The following NRN1 variants were observed in gnomAD, a reference collection of about 807,000 sequenced individuals.
The protein encoded by NRN1 is neuritin 1.
In NRN1, 4 loss-of-function variants were observed where a neutral mutation model predicts 15.0. The ratio of observed to expected loss-of-function variants is 0.27; its 90% CI spans 0.13 to 0.61. The LOEUF (loss-of-function observed/expected upper bound fraction) is 0.61, where lower values mean the gene tolerates loss of function less well. NRN1 is among the 20% of genes least tolerant of loss of function. The probability of loss-of-function intolerance (pLI) is 0.87; values close to 1 mark genes in which losing one functional copy is unlikely to be tolerated. For missense variants in NRN1, 134 were observed against 181.9 expected (o/e 0.74, Z 1.51); for synonymous variants, 85 against 79.8 (o/e 1.07, Z -0.35).
At position 6,002,333 on chromosome 6, in the gene NRN1, C is replaced by A. The variant is rs769331337; in HGVS notation, c.200+20G>T. 2 of 1,611,468 alleles carry A rather than the reference C, an allele frequency of 1.2e-6. No individual in the cohort carries two copies. Among genetic ancestry groups the A allele is most frequent in the African/African-American group, 1.3e-5 (1 of 74,900 alleles). ...AGCGCCCCCAAAACCGAAGTCCAGC[C>A]GGCCAGAGAGGACACTTACGTGCAC... On this transcript the variant is annotated intron_variant, in intron 2 of 2. Transcript: ENST00000244766.
chr6:6,003,897 G>C, intron 1 of NRN1: 4 of 1,230,312 alleles, frequency 3.3e-6, no homozygotes, highest in Non-Finnish European at 4.1e-6. Context: ...CTGGGCGCCG[G>C]CCTGGTCCTC....
chr6:6,002,548 G>T (rs1561903775), intron 1 of NRN1, 51 bp from the exon 2 acceptor site: 2 of 1,587,240 alleles, frequency 1.3e-6, no homozygotes. Flanking sequence ...CCGCCCTGCC[G>T]CCCACTGCCC....
Position 6,006,795 on chromosome 6 carries a change from T to TA in NRN1, c.-47dup, listed in dbSNP as rs1242970988. On this transcript the variant is annotated 5_prime_UTR_variant, in exon 1 of 3. It removes the in-frame stop codon of an upstream open reading frame in the 5' UTR. Transcript: ENST00000244766. Reference sequence around the variant, plus strand: ...TTGCGACCGCAGACCTTTAAATAGTTAGTTTAGAGAACGCGGGGGAAAGCC... The same window carrying TA: ...TTGCGACCGCAGACCTTTAAATAGTTAAGTTTAGAGAACGCGGGGGAAAGCC... 4.4e-6 allele frequency: 7 copies of TA among 1,597,526 alleles called. No homozygotes were observed. The highest frequency in any genetic ancestry group is 6.0e-6 in the Non-Finnish European group (7 of 1,165,058).
intron 1 of NRN1, chr6:6,002,768 G>A (rs1757990743): frequency 1.3e-5 from 6 of 478,798 alleles, no homozygotes; most frequent in Non-Finnish European, 2.2e-5. Flanking sequence ...CTTTCCTCCA[G>A]CTCCCTCCCG....
In NRN1 at chr6:5,998,621, A is replaced by G. The variant is rs540378313; in HGVS notation, c.*355T>C. On this transcript the variant is annotated 3_prime_UTR_variant, in exon 3 of 3. Transcript: ENST00000244766. ...TTCATGTTACTAGCATGATTAATATAGTAGGTGGCCCAGGGCCGTTCCTGA... is the reference window on the plus strand; with the variant it reads ...TTCATGTTACTAGCATGATTAATATGGTAGGTGGCCCAGGGCCGTTCCTGA... The G allele has an allele frequency of 5.0e-4, 88 of 175,414 alleles. No homozygotes were observed. Among genetic ancestry groups the G allele is most frequent in the African/African-American group, 2.0e-3 (85 of 42,042 alleles). The allele number at this position is 175,414 out of a possible 1,614,324, so 10.9% of individuals were successfully genotyped here. A position where few individuals can be genotyped will look rare whatever the true frequency, so the allele number is the denominator to read the frequency against.
At chr6:6,003,720 G>C (rs1758030487) in intron 1 of NRN1, 1 of 1,234,196 alleles carries the variant, frequency 8.1e-7, no homozygotes. Context: ...CGGGCGCGCG[G>C]CTGTGGCCAT....
intron 1 of NRN1, among the ~76,000 whole-genome samples, chr6:6,004,916 C>T (rs1050643850): frequency 1.3e-5 from 2 of 152,010 alleles, no homozygotes; most frequent in African/African-American, 2.4e-5. Context: ...CTTCTACCTC[C>T]CCGCCCCTCC....
Position 5,998,775 on chromosome 6 carries a change from CTGAT to C in NRN1, c.*197_*200del. Reference sequence around the variant, plus strand: ...GATTTTGGCTGTGCTTGCTTGCTCACTGATTGGTAACATTTGGCAAATAAAACAC... The same window carrying C: ...GATTTTGGCTGTGCTTGCTTGCTCACTGGTAACATTTGGCAAATAAAACAC... On this transcript the variant is annotated 3_prime_UTR_variant, in exon 3 of 3. Coordinates refer to ENST00000244766, the MANE Select transcript of NRN1 (RefSeq NM_016588.3). 1.7e-6 allele frequency: 1 copy of C among 584,222 alleles called. No individual in the cohort carries two copies. Among genetic ancestry groups the C allele is most frequent in the Non-Finnish European group, 3.0e-6 (1 of 330,514 alleles). 36.2% of individuals were successfully genotyped at this position (584,222 alleles called of 1,614,324 possible). A position where few individuals can be genotyped will look rare whatever the true frequency, so the allele number is the denominator to read the frequency against.
intron 2 of NRN1, among the ~76,000 whole-genome samples, chr6:5,999,512 G>T (rs547682000): frequency 2.8e-3 from 428 of 152,386 alleles, no homozygotes; most frequent in South Asian, 6.8e-3. Context: ...GCTGTGGCGC[G>T]CTGGCACCTC....
chr6:6,003,753 G>A (rs2151033755), intron 1 of NRN1: 2 of 1,234,234 alleles, frequency 1.6e-6, no homozygotes, highest in African/African-American at 1.5e-5. Context: ...TGAGGCCGAC[G>A]AACCCGGCTG....
At chr6:6,005,306 G>A (rs368726131) in intron 1 of NRN1, among the ~76,000 whole-genome samples, 18 of 152,284 alleles carry the variant, frequency 1.2e-4, no homozygotes, top group African/African-American at 4.3e-4. Flanking sequence ...GGAATTTGCT[G>A]CCATTAGAAA....
At chr6:6,003,740 C>T in intron 1 of NRN1, 1 of 1,234,326 alleles carries the variant, frequency 8.1e-7, no homozygotes, top group South Asian at 4.1e-5. Flanking sequence ...TCTCTTTCCG[C>T]CCTGAGGCCG....
Position 6,006,814 on chromosome 6 carries a change from G to T in NRN1, c.-65C>A. 6.5e-7 allele frequency: 1 copy of T among 1,527,622 alleles called. No individual in the cohort carries two copies. The highest frequency in any genetic ancestry group is 1.7e-5 in the Admixed American group (1 of 59,612). The allele number at this position is 1,527,622 out of a possible 1,614,324, so 94.6% of individuals were successfully genotyped here. A position where few individuals can be genotyped will look rare whatever the true frequency, so the allele number is the denominator to read the frequency against. ...AATAGTTAGTTTAGAGAACGCGGGG[G>T]AAAGCCAAAAAATAGGCATTGCCAA... On this transcript the variant is annotated 5_prime_UTR_variant, in exon 1 of 3. Transcript: ENST00000244766.
At chr6:6,006,456 C>A (rs1303333949) in intron 1 of NRN1, among the ~76,000 whole-genome samples, 2 of 152,214 alleles carry the variant, frequency 1.3e-5, no homozygotes, top group Admixed American at 1.3e-4. Flanking sequence ...GGGAAAAAAA[C>A]CGTGTCCAGA....
chr6:5,999,420 T>TG lies in NRN1; in HGVS notation c.201-217dup, dbSNP rs71540887. 1.7e-3 allele frequency among the ~76,000 whole-genome samples: 262 copies of TG among 151,898 alleles called. 2 individuals are homozygous for TG. The highest frequency in any genetic ancestry group is 5.5e-3 in the African/African-American group (228 of 41,408). On this transcript the variant is annotated intron_variant, in intron 2 of 2. Transcript: ENST00000244766. ...CAGAAGCGGCTGTCTAAAGCGGGGG[T>TG]GGGGGGGCGCCCCCTCCTGTCTGGT...
intron 1 of NRN1, chr6:6,003,745 A>G: frequency 1.6e-6 from 2 of 1,234,324 alleles, no homozygotes; most frequent in Non-Finnish European, 2.0e-6. Context: ...TTCCGCCCTG[A>G]GGCCGACGAA....
intron 1 of NRN1, chr6:6,003,299 G>A (rs1187016776): frequency 1.1e-5 from 13 of 1,222,806 alleles, no homozygotes; most frequent in Middle Eastern, 2.1e-4. Flanking sequence ...CCAGAGGCCG[G>A]GCGGGGTCAC....
intron 1 of NRN1, among the ~76,000 whole-genome samples, chr6:6,006,174 T>A (rs1582995490): frequency 6.6e-6 from 1 of 151,742 alleles, no homozygotes; most frequent in Non-Finnish European, 1.5e-5. Flanking sequence ...GCGGTGCCCG[T>A]GCAAACGCTG....
chr6:6,002,998 G>A, intron 1 of NRN1: 1 of 413,912 alleles, frequency 2.4e-6, no homozygotes, highest in Non-Finnish European at 4.2e-6. Context: ...GACAGGGCGT[G>A]GGGTCACGCA....
Sources: allele counts gnomAD v4.1 joint callset (sites outside exome capture counted in the v4.1 genomes callset), GRCh38; gene constraint gnomAD v4.1.1; transcripts MANE v1.5; gene names NCBI Gene and HGNC (gene_info 2026-07-23, HGNC 2026-07-21).